KCNQ5: variants seen among roughly 807,000 people sequenced by gnomAD.
KCNQ5 encodes potassium voltage-gated channel subfamily Q member 5.
A neutral mutation model predicts 98.2 loss-of-function variants in KCNQ5; 30 were observed. The ratio of observed to expected loss-of-function variants is 0.31; its 90% CI spans 0.23 to 0.41. The LOEUF is 0.41. Ranked by LOEUF, KCNQ5 falls within the 10% of genes least tolerant of loss-of-function variation. The pLI, the probability that KCNQ5 is intolerant of heterozygous loss-of-function variation, is 1.00. For synonymous variants in KCNQ5, 458 were observed against 449.4 expected, an observed-to-expected ratio of 1.02 and a Z score of -0.24; for missense variants, 835 against 1,182.5, an observed-to-expected ratio of 0.71 and a Z score of 4.31.
intron 1 of KCNQ5, among the ~76,000 whole-genome samples, chr6:72,874,598 C>G (rs1778335612): frequency 1.3e-5 from 2 of 152,078 alleles, no homozygotes; most frequent in Non-Finnish European, 1.5e-5. Flanking sequence ...GGCCTTTTGT[C>G]AAATAAATAA....
chr6:73,106,656 C>T (rs1370448735), intron 6 of KCNQ5, among the ~76,000 whole-genome samples: 2 of 152,118 alleles, frequency 1.3e-5, no homozygotes, highest in South Asian at 2.1e-4. Context: ...CTAATGACCT[C>T]GTTTTAACTT....
chr6:73,091,300 C>T (rs1448186736), intron 5 of KCNQ5, among the ~76,000 whole-genome samples: 1 of 151,898 alleles, frequency 6.6e-6, no homozygotes, highest in African/African-American at 2.4e-5. Context: ...GGGAGGGGAA[C>T]ATCACACACC....
At chr6:72,949,170 C>A (rs1766681855) in intron 1 of KCNQ5, among the ~76,000 whole-genome samples, 1 of 152,302 alleles carries the variant, frequency 6.6e-6, no homozygotes, top group African/African-American at 2.4e-5. Flanking sequence ...TGGCTTGCAA[C>A]TAATATTAAT....
intron 1 of KCNQ5, among the ~76,000 whole-genome samples, chr6:72,998,515 T>C (rs1769409850): frequency 6.6e-6 from 1 of 151,960 alleles, no homozygotes; most frequent in Non-Finnish European, 1.5e-5. Context: ...GCGGGCGGAT[T>C]ATGAGGTCAG....
chr6:72,894,337 T>C (rs541208302), intron 1 of KCNQ5, among the ~76,000 whole-genome samples: 2 of 152,374 alleles, frequency 1.3e-5, no homozygotes, highest in South Asian at 4.1e-4. Flanking sequence ...TGATGTTTTC[T>C]CATTTCTCTG....
chr6:73,108,241 G>T (rs568607718), intron 6 of KCNQ5, among the ~76,000 whole-genome samples: 1 of 152,172 alleles, frequency 6.6e-6, no homozygotes. Flanking sequence ...GCTCACAGAA[G>T]AAGCCCCAGC....
At chr6:72,983,413 C>A (rs1201525799) in intron 1 of KCNQ5, among the ~76,000 whole-genome samples, 2 of 152,130 alleles carry the variant, frequency 1.3e-5, no homozygotes, top group Non-Finnish European at 2.9e-5. Context: ...CACTTCATTT[C>A]ATTAATTTGA....
At chr6:72,750,743 A>C (rs1771637315) in intron 1 of KCNQ5, among the ~76,000 whole-genome samples, 1 of 152,054 alleles carries the variant, frequency 6.6e-6, no homozygotes, top group African/African-American at 2.4e-5. Flanking sequence ...AAAATGTTGA[A>C]TTCATGTGTC....
intron 1 of KCNQ5, among the ~76,000 whole-genome samples, chr6:72,819,205 T>C (rs1775641464): frequency 6.6e-6 from 1 of 152,148 alleles, no homozygotes; most frequent in Non-Finnish European, 1.5e-5. Flanking sequence ...ATTTATGGTG[T>C]ATGTGAGATG....
At chr6:72,787,131 C>A (rs1582288900) in intron 1 of KCNQ5, among the ~76,000 whole-genome samples, 1 of 151,910 alleles carries the variant, frequency 6.6e-6, no homozygotes, top group South Asian at 2.1e-4. Flanking sequence ...ACAAATGCAG[C>A]CCCCCACCTG....
chr6:72,752,086 C>A (rs926054188), intron 1 of KCNQ5, among the ~76,000 whole-genome samples: 2 of 152,062 alleles, frequency 1.3e-5, no homozygotes, highest in African/African-American at 4.8e-5. Context: ...CATGACCCAG[C>A]AATCCCCCAG....
intron 1 of KCNQ5, among the ~76,000 whole-genome samples, chr6:72,881,494 CAT>C (rs1215357801): frequency 3.3e-5 from 5 of 152,244 alleles, no homozygotes; most frequent in Non-Finnish European, 5.9e-5. Flanking sequence ...GCACACCAAT[CAT>C]GTGACAAGCA....
At chr6:72,864,983 G>T (rs1241643641) in intron 1 of KCNQ5, among the ~76,000 whole-genome samples, 2 of 152,180 alleles carry the variant, frequency 1.3e-5, no homozygotes, top group Non-Finnish European at 2.9e-5. Flanking sequence ...TTTAAATATA[G>T]TTCATGTCTT....
At chr6:72,832,831 C>T (rs1776343556) in intron 1 of KCNQ5, among the ~76,000 whole-genome samples, 1 of 152,118 alleles carries the variant, frequency 6.6e-6, no homozygotes, top group Non-Finnish European at 1.5e-5. Flanking sequence ...ATGGTAAAAG[C>T]CACTGGGAGG....
At chr6:72,926,320 A>C (rs1765416490) in intron 1 of KCNQ5, among the ~76,000 whole-genome samples, 1 of 152,174 alleles carries the variant, frequency 6.6e-6, no homozygotes, top group African/African-American at 2.4e-5. Context: ...TGCATTAAAA[A>C]CTAGCAGGCT....
chr6:73,077,258 T>C (rs1773577813), intron 3 of KCNQ5, 64 bp from the exon 4 acceptor site: 4 of 1,474,446 alleles, frequency 2.7e-6, no homozygotes, highest in South Asian at 2.4e-5. Flanking sequence ...TTTGGAAATA[T>C]TGTTTTGGTA....
chr6:72,976,778 A>G (rs1191796275), intron 1 of KCNQ5, among the ~76,000 whole-genome samples: 1 of 152,206 alleles, frequency 6.6e-6, no homozygotes, highest in Non-Finnish European at 1.5e-5. Flanking sequence ...GGCAGCTTCA[A>G]ATAGTTTCCC....
At chr6:72,760,505 G>A (rs1257772583) in intron 1 of KCNQ5, among the ~76,000 whole-genome samples, 1 of 151,608 alleles carries the variant, frequency 6.6e-6, no homozygotes, top group Non-Finnish European at 1.5e-5. Context: ...TTTGTGCGTA[G>A]CCTGTGCATG....
chr6:73,023,203 TG>T (rs1287748506), intron 2 of KCNQ5, among the ~76,000 whole-genome samples: 2 of 151,384 alleles, frequency 1.3e-5, no homozygotes, highest in African/African-American at 2.4e-5. Flanking sequence ...CATCAAGGGG[TG>T]GTGTTTGAGG....
Sources: allele counts gnomAD v4.1 joint callset (sites outside exome capture counted in the v4.1 genomes callset), GRCh38; gene constraint gnomAD v4.1.1; transcripts MANE v1.5; gene names NCBI Gene and HGNC (gene_info 2026-07-23, HGNC 2026-07-21).